Variants in CADM2 observed in about 807,000 individuals in gnomAD.
The protein encoded by CADM2 is cell adhesion molecule 2.
CADM2 carries 12 observed loss-of-function variants against 49.8 expected under a neutral mutation model. That is an observed-to-expected ratio of 0.24 (90% CI 0.15 to 0.39). The LOEUF (loss-of-function observed/expected upper bound fraction) is 0.39. CADM2 is among the 10% of genes least tolerant of loss of function. The pLI, the probability that CADM2 is intolerant of heterozygous loss-of-function variation, is 1.00. For missense variants in CADM2, 378 were observed against 492.3 expected, an observed-to-expected ratio of 0.77 and a Z score of 2.20; for synonymous variants, 214 against 175.4, an observed-to-expected ratio of 1.22 and a Z score of -1.74.
At chr3:86,020,911 C>G (rs931886612) in intron 8 of CADM2, among the ~76,000 whole-genome samples, 8 of 152,034 alleles carry the variant, frequency 5.3e-5, no homozygotes, top group African/African-American at 1.9e-4. Context: ...GGAAGCATTC[C>G]CTTTGAAAAC....
At chr3:85,359,666 A>ATATATATATATATATATATTTTTTTTT in intron 1 of CADM2, among the ~76,000 whole-genome samples, 25 of 26,534 alleles carry the variant, frequency 9.4e-4, no homozygotes, top group South Asian at 1.4e-3. Context: ...ATATATATAT[A>ATATATATATATATATATATTTTTTTTT]TTTTTTTTTT....
At chr3:85,574,149 C>T (rs1167386307) in intron 1 of CADM2, among the ~76,000 whole-genome samples, 4 of 152,140 alleles carry the variant, frequency 2.6e-5, no homozygotes, top group African/African-American at 7.2e-5. Context: ...ATTTCTAGTC[C>T]TCAGTCTGGG....
intron 6 of CADM2, among the ~76,000 whole-genome samples, chr3:85,918,298 G>A (rs1185209829): frequency 6.6e-6 from 1 of 152,050 alleles, no homozygotes; most frequent in African/African-American, 2.4e-5. Flanking sequence ...GTTTGTCATA[G>A]ATAGCTCTTA....
Position 85,037,946 on chromosome 3 carries a change from T to C in CADM2, c.61+78278T>C, listed in dbSNP as rs180967399. On this transcript the variant is annotated intron_variant, in intron 1 of 9. Transcript: ENST00000383699. ...ATTACAAATGTATTTACCAGGCTAA[T>C]ATTAGCCTCACTGGTGGCCGGAAAA... is the stretch of plus-strand genomic sequence containing the variant. 6.5e-4 allele frequency among the ~76,000 whole-genome samples: 99 copies of C among 152,104 alleles called. 1 individual carries two copies. Among genetic ancestry groups the C allele is most frequent in the Admixed American group, 6.3e-3 (96 of 15,256 alleles).
intron 2 of CADM2, among the ~76,000 whole-genome samples, chr3:85,739,114 T>C (rs142904785): frequency 8.9e-4 from 136 of 152,260 alleles, no homozygotes; most frequent in African/African-American, 2.9e-3. Flanking sequence ...ATGACATTTA[T>C]CATTGGCTTC....
intron 1 of CADM2, among the ~76,000 whole-genome samples, chr3:85,711,151 A>T (rs1207667716): frequency 6.6e-6 from 1 of 152,178 alleles, no homozygotes; most frequent in Non-Finnish European, 1.5e-5. Context: ...ATCATGATGC[A>T]AACATTTTCT....
chr3:85,742,362 G>A (rs1221117556), intron 2 of CADM2, among the ~76,000 whole-genome samples: 2 of 152,122 alleles, frequency 1.3e-5, no homozygotes, highest in African/African-American at 4.8e-5. Flanking sequence ...CCTTGTGTGG[G>A]AAAGCCACTA....
intron 1 of CADM2, among the ~76,000 whole-genome samples, chr3:85,150,095 T>C (rs1331418810): frequency 2.0e-5 from 3 of 152,196 alleles, no homozygotes; most frequent in Non-Finnish European, 4.4e-5. Context: ...TTTGTCATAA[T>C]CCTATCAACT....
intron 2 of CADM2, among the ~76,000 whole-genome samples, chr3:85,754,315 A>G (rs56787903): frequency 0.036 from 5,448 of 152,126 alleles, 302 homozygotes; most frequent in African/African-American, 0.12. Context: ...ATTCTTTTAG[A>G]CAGTGAAACA....
At chr3:85,780,639 T>C (rs2070588993) in intron 2 of CADM2, among the ~76,000 whole-genome samples, 1 of 152,202 alleles carries the variant, frequency 6.6e-6, no homozygotes, top group African/African-American at 2.4e-5. Flanking sequence ...CCCTCAGGCA[T>C]ATGTTGATCA....
chr3:85,942,127 T>A lies in CADM2; in HGVS notation c.791+6270T>A, dbSNP rs543238867. On this transcript the variant is annotated intron_variant, in intron 7 of 9. Transcript: ENST00000383699. Reference sequence around the variant, plus strand: ...TTTGTTTACCCAGTGTTTTTTAGCATTGATGTTTTTCACAATAACTCAATA... The same window carrying A: ...TTTGTTTACCCAGTGTTTTTTAGCAATGATGTTTTTCACAATAACTCAATA... Among the ~76,000 whole-genome samples the A allele has an allele frequency of 3.3e-5, 5 of 152,120 alleles. No individual in the cohort carries two copies. The South Asian group carries it at 1.0e-3, about 32-fold the overall frequency.
At chr3:85,133,769 C>G (rs1165686207) in intron 1 of CADM2, among the ~76,000 whole-genome samples, 1 of 152,250 alleles carries the variant, frequency 6.6e-6, no homozygotes, top group East Asian at 1.9e-4. Flanking sequence ...TCCACGTCCC[C>G]TCCAGACTCA....
intron 1 of CADM2, among the ~76,000 whole-genome samples, chr3:85,480,020 G>C (rs2039144330): frequency 6.6e-6 from 1 of 151,760 alleles, no homozygotes; most frequent in South Asian, 2.1e-4. Context: ...TAAACTCTGT[G>C]TAGGCCGTAT....
chr3:85,259,991 G>A (rs1423173441), intron 1 of CADM2, among the ~76,000 whole-genome samples: 3 of 151,814 alleles, frequency 2.0e-5, no homozygotes, highest in Non-Finnish European at 4.4e-5. Flanking sequence ...GTACTATTTA[G>A]AACAAAGAAG....
At chr3:85,114,755 A>G (rs2038582731) in intron 1 of CADM2, among the ~76,000 whole-genome samples, 1 of 152,164 alleles carries the variant, frequency 6.6e-6, no homozygotes, top group Admixed American at 6.5e-5. Context: ...ACTTAGTTTC[A>G]TGATATGTGA....
At chr3:85,239,066 T>A (rs2042471988) in intron 1 of CADM2, among the ~76,000 whole-genome samples, 1 of 151,802 alleles carries the variant, frequency 6.6e-6, no homozygotes, top group South Asian at 2.1e-4. Flanking sequence ...AACACCAGAC[T>A]GGATGCTGAA....
rs879561766 is a variant in CADM2 at position 85,154,733 on chromosome 3, C to T, written c.61+195065C>T. Among the ~76,000 whole-genome samples the T allele has an allele frequency of 2.0e-3, 291 of 146,684 alleles. 1 individual carries two copies. Among genetic ancestry groups the T allele is most frequent in the Middle Eastern group, 3.5e-3 (1 of 284 alleles). On this transcript the variant is annotated intron_variant, in intron 1 of 9. Coordinates refer to ENST00000383699, the MANE Select transcript of CADM2 (RefSeq NM_001167675.2). ...AAAGGGAAGCCCATCAGACTAACAG[C>T]GGATCTCTTGGCAGAAACCCTACAA...
At chr3:86,004,183 T>C (rs1730507210) in intron 8 of CADM2, among the ~76,000 whole-genome samples, 1 of 152,264 alleles carries the variant, frequency 6.6e-6, no homozygotes, top group African/African-American at 2.4e-5. Flanking sequence ...AGTTTCCTTA[T>C]ACCTTTATTT....
intron 1 of CADM2, among the ~76,000 whole-genome samples, chr3:85,247,850 A>G (rs1230446834): frequency 6.6e-6 from 1 of 152,146 alleles, no homozygotes; most frequent in Non-Finnish European, 1.5e-5. Flanking sequence ...GTATTATAAA[A>G]CTATACTGGG....
Sources: gnomAD v4.1 joint callset for allele counts (sites outside exome capture counted in the v4.1 genomes callset) on GRCh38, gnomAD v4.1.1 for gene constraint, MANE v1.5 for transcripts, NCBI Gene and HGNC (gene_info 2026-07-23, HGNC 2026-07-21) for gene names.